Variants in RANBP17 observed in about 807,000 individuals in gnomAD.
RANBP17 encodes RAN binding protein 17, also known as ran-binding protein 17.
Under a neutral mutation model 141.2 loss-of-function variants are expected in RANBP17, and 158 were observed. The observed-to-expected ratio is 1.12, with a 90% CI of 0.98 to 1.28. RANBP17 has a LOEUF of 1.28. Among genes scored for constraint, RANBP17 ranks in the 50% most tolerant of loss-of-function variants. The pLI, the probability that RANBP17 is intolerant of heterozygous loss-of-function variation, is 0.00. For synonymous variants in RANBP17, 430 were observed against 450.0 expected, an observed-to-expected ratio of 0.96 and a Z score of 0.56; for missense variants, 1,438 against 1,290.7, an observed-to-expected ratio of 1.11 and a Z score of -1.75.
intron 14 of RANBP17, among the ~76,000 whole-genome samples, chr5:171,167,730 G>A (rs1353049105): frequency 6.6e-6 from 1 of 152,086 alleles, no homozygotes; most frequent in Admixed American, 6.6e-5. Flanking sequence ...GTAAAGCAGG[G>A]CACACAGTAG....
chr5:170,908,331 C>T (rs1771239659), intron 5 of RANBP17, among the ~76,000 whole-genome samples: 1 of 151,836 alleles, frequency 6.6e-6, no homozygotes, highest in Non-Finnish European at 1.5e-5. Flanking sequence ...TATTATGCAG[C>T]TATAAAAAAT....
intron 12 of RANBP17, among the ~76,000 whole-genome samples, chr5:170,935,169 C>T (rs1423691702): frequency 6.6e-6 from 1 of 152,174 alleles, no homozygotes; most frequent in African/African-American, 2.4e-5. Context: ...CATTTAAGGA[C>T]TTCTCTACAC....
intron 14 of RANBP17, among the ~76,000 whole-genome samples, chr5:171,105,190 G>A (rs564323539): frequency 3.9e-4 from 58 of 150,326 alleles, no homozygotes; most frequent in Admixed American, 3.7e-3. Flanking sequence ...AGACCATCCC[G>A]GCTAAAACGG....
chr5:170,956,091 T>C (rs1248430859), intron 13 of RANBP17, among the ~76,000 whole-genome samples: 1 of 151,812 alleles, frequency 6.6e-6, no homozygotes, highest in Non-Finnish European at 1.5e-5. Context: ...TATCTTGATA[T>C]TTGGTTTCAT....
chr5:170,944,342 C>CTGCA (rs1774580220), intron 12 of RANBP17, among the ~76,000 whole-genome samples: 1 of 152,244 alleles, frequency 6.6e-6, no homozygotes, highest in African/African-American at 2.4e-5. Context: ...TCTCGGCTCA[C>CTGCA]TGCAACCTTT....
intron 14 of RANBP17, among the ~76,000 whole-genome samples, chr5:171,011,861 G>A (rs537124749): frequency 1.3e-4 from 19 of 151,588 alleles, no homozygotes; most frequent in Non-Finnish European, 1.8e-4. Context: ...TATCTGAACC[G>A]GACATGCATT....
At chr5:171,082,546 C>T (rs768269099) in intron 14 of RANBP17, among the ~76,000 whole-genome samples, 60 of 152,044 alleles carry the variant, frequency 3.9e-4, no homozygotes, top group Non-Finnish European at 1.9e-4. Flanking sequence ...TACACTGACC[C>T]AGTACCTCTA....
At chr5:171,224,128 G>T (rs1763747633) in intron 22 of RANBP17, among the ~76,000 whole-genome samples, 1 of 152,262 alleles carries the variant, frequency 6.6e-6, no homozygotes, top group East Asian at 1.9e-4. Flanking sequence ...TTGGACAGGG[G>T]TTCAACAACC....
Position 170,914,213 on chromosome 5 carries a change from T to TG in RANBP17, c.807_808insG (p.Ser270ValfsTer26). 1 of 1,609,770 alleles carries TG rather than the reference T, an allele frequency of 6.2e-7. No individual in the cohort carries two copies. The highest frequency in any genetic ancestry group is 8.5e-7 in the Non-Finnish European group (1 of 1,176,496). ...TGGATCTTTTCTTCAATTTGTATCA[T>TG]TCACTTCCACCACTACTATCTCAGT... On this transcript the variant is annotated frameshift_variant, in exon 8 of 28. Transcript: ENST00000523189. LOFTEE classifies it high-confidence loss of function.
chr5:171,256,447 T>A (rs890121125), intron 24 of RANBP17, among the ~76,000 whole-genome samples: 1 of 152,196 alleles, frequency 6.6e-6, no homozygotes, highest in African/African-American at 2.4e-5. Flanking sequence ...CAATAAATGC[T>A]AATATCCAAA....
chr5:171,142,997 A>G (rs550462483), intron 14 of RANBP17, among the ~76,000 whole-genome samples: 1 of 152,204 alleles, frequency 6.6e-6, no homozygotes, highest in African/African-American at 2.4e-5. Flanking sequence ...TTTGTTTTTT[A>G]TTTTTAAAAT....
At chr5:171,036,980 G>A (rs1312594060) in intron 14 of RANBP17, among the ~76,000 whole-genome samples, 21 of 152,028 alleles carry the variant, frequency 1.4e-4, no homozygotes, top group Admixed American at 1.4e-3. Context: ...GGGCCAAATG[G>A]TAGTTCTATT....
chr5:171,058,429 G>C (rs901380817), intron 14 of RANBP17, among the ~76,000 whole-genome samples: 11 of 149,714 alleles, frequency 7.3e-5, no homozygotes, highest in African/African-American at 2.5e-4. Context: ...TTTTGTCCTT[G>C]TGATAGTTTG....
At chr5:171,285,395 T>G (rs1768108947) in intron 25 of RANBP17, among the ~76,000 whole-genome samples, 1 of 152,240 alleles carries the variant, frequency 6.6e-6, no homozygotes, top group Admixed American at 6.5e-5. Context: ...AAGTGTCACT[T>G]GAATAAAAAT....
chr5:171,161,892 G>A (rs1299025046), intron 14 of RANBP17, among the ~76,000 whole-genome samples: 1 of 152,140 alleles, frequency 6.6e-6, no homozygotes, highest in Admixed American at 6.5e-5. Context: ...GGAGGTACGG[G>A]GGATTAAACA....
intron 14 of RANBP17, among the ~76,000 whole-genome samples, chr5:171,128,854 A>C (rs72827554): frequency 3.0e-4 from 45 of 152,290 alleles, no homozygotes; most frequent in Non-Finnish European, 5.3e-4. Flanking sequence ...CATGAATTGC[A>C]ATAATGAAAA....
At chr5:171,279,325 T>C (rs879278780) in intron 25 of RANBP17, among the ~76,000 whole-genome samples, 26 of 152,218 alleles carry the variant, frequency 1.7e-4, no homozygotes, top group African/African-American at 5.1e-4. Context: ...TTGAGTAATA[T>C]GTAATGAACA....
chr5:171,095,793 C>G (rs1249376966), intron 14 of RANBP17, among the ~76,000 whole-genome samples: 1 of 152,064 alleles, frequency 6.6e-6, no homozygotes, highest in Non-Finnish European at 1.5e-5. Context: ...AAAATCTGAG[C>G]GTAACTTTAG....
At chr5:171,217,056 A>G (rs1052202221) in intron 21 of RANBP17, among the ~76,000 whole-genome samples, 3 of 152,202 alleles carry the variant, frequency 2.0e-5, no homozygotes, top group Non-Finnish European at 2.9e-5. Context: ...TTTGTCATTA[A>G]TAGCTCTTAT....
Sources: gnomAD v4.1 joint callset for allele counts (sites outside exome capture counted in the v4.1 genomes callset) on GRCh38, gnomAD v4.1.1 for gene constraint, MANE v1.5 for transcripts, NCBI Gene and HGNC (gene_info 2026-07-23, HGNC 2026-07-21) for gene names.